The following HS6ST3 variants were observed in gnomAD, a reference collection of about 807,000 sequenced individuals.
HS6ST3 encodes the protein heparan sulfate 6-O-sulfotransferase 3.
Under a neutral mutation model 36.7 loss-of-function variants are expected in HS6ST3, and 12 were observed. The ratio of observed to expected loss-of-function variants is 0.33; its 90% CI spans 0.21 to 0.53. The LOEUF (loss-of-function observed/expected upper bound fraction) is 0.53. Ranked by LOEUF, HS6ST3 falls within the 20% of genes least tolerant of loss-of-function variation. The probability of loss-of-function intolerance (pLI) is 0.95; values close to 1 mark genes in which losing one functional copy is unlikely to be tolerated. For synonymous variants in HS6ST3, 240 were observed against 257.5 expected, an observed-to-expected ratio of 0.93 and a Z score of 0.65; for missense variants, 584 against 640.9, an observed-to-expected ratio of 0.91 and a Z score of 0.96.
chr13:96,119,113 G>C (rs761932739), intron 1 of HS6ST3, among the ~76,000 whole-genome samples: 15 of 152,146 alleles, frequency 9.9e-5, no homozygotes, highest in Non-Finnish European at 1.9e-4. Flanking sequence ...TGTTTAGAAA[G>C]CCTAACAAAT....
At chr13:96,611,936 G>A (rs1464925236) in intron 1 of HS6ST3, among the ~76,000 whole-genome samples, 3 of 152,168 alleles carry the variant, frequency 2.0e-5, no homozygotes, top group African/African-American at 7.2e-5. Flanking sequence ...TGTCAGGAAA[G>A]TAACATGGCA....
chr13:96,348,143 T>C (rs1356478339), intron 1 of HS6ST3, among the ~76,000 whole-genome samples: 1 of 152,194 alleles, frequency 6.6e-6, no homozygotes, highest in Non-Finnish European at 1.5e-5. Flanking sequence ...CAAAGCTGCA[T>C]GGAAAGAAAG....
At chr13:96,546,826 C>G (rs2056199671) in intron 1 of HS6ST3, among the ~76,000 whole-genome samples, 1 of 152,146 alleles carries the variant, frequency 6.6e-6, no homozygotes, top group Admixed American at 6.5e-5. Flanking sequence ...ACTCCCAAGT[C>G]ACAATGGGCA....
chr13:96,792,389 G>A (rs999952645), intron 1 of HS6ST3, among the ~76,000 whole-genome samples: 3 of 151,658 alleles, frequency 2.0e-5, no homozygotes, highest in African/African-American at 7.3e-5. Flanking sequence ...ACATTGTGAC[G>A]CCCCCTCTGG....
chr13:96,578,304 TA>T (rs2056329047), intron 1 of HS6ST3, among the ~76,000 whole-genome samples: 1 of 152,160 alleles, frequency 6.6e-6, no homozygotes, highest in Non-Finnish European at 1.5e-5. Flanking sequence ...GGTTGCCTCA[TA>T]AAAATGTGTG....
At chr13:96,212,975 TGCTAAA>T (rs2054406202) in intron 1 of HS6ST3, among the ~76,000 whole-genome samples, 1 of 152,234 alleles carries the variant, frequency 6.6e-6, no homozygotes, top group South Asian at 2.1e-4. Context: ...TAACTTGTAA[TGCTAAA>T]GCAGATGGTA....
At chr13:96,111,490 A>G (rs1027113867) in intron 1 of HS6ST3, among the ~76,000 whole-genome samples, 12 of 152,228 alleles carry the variant, frequency 7.9e-5, no homozygotes, top group Admixed American at 6.5e-5. Context: ...CTTGGCTGCT[A>G]AGGCAAATAA....
At chr13:96,459,657 G>T (rs1012559331) in intron 1 of HS6ST3, among the ~76,000 whole-genome samples, 3 of 152,110 alleles carry the variant, frequency 2.0e-5, no homozygotes, top group African/African-American at 7.2e-5. Flanking sequence ...TTTTTCTCTT[G>T]TATTTCAACA....
chr13:96,131,317 T>G (rs114701048), intron 1 of HS6ST3, among the ~76,000 whole-genome samples: 3,046 of 152,240 alleles, frequency 0.02, 88 homozygotes, highest in African/African-American at 0.067. Context: ...TTTTCTTTGT[T>G]TATTAGTCTA....
intron 1 of HS6ST3, among the ~76,000 whole-genome samples, chr13:96,561,329 A>G (rs1024343632): frequency 6.6e-6 from 1 of 152,164 alleles, no homozygotes; most frequent in Non-Finnish European, 1.5e-5. Flanking sequence ...CTGGCTAGCT[A>G]TATGTGAAAG....
At chr13:96,199,853 AT>A (rs35926456) in intron 1 of HS6ST3, among the ~76,000 whole-genome samples, 2,036 of 146,838 alleles carry the variant, frequency 0.014, 40 homozygotes, top group African/African-American at 0.043. Context: ...TCTGGCTCAT[AT>A]TTTTTTTTTT....
chr13:96,360,808 G>A (rs1425996284), intron 1 of HS6ST3, among the ~76,000 whole-genome samples: 1 of 151,952 alleles, frequency 6.6e-6, no homozygotes, highest in East Asian at 1.9e-4. Context: ...TTAGCCAGGT[G>A]TAGTGGTGGG....
chr13:96,591,623 A>C (rs2056382560), intron 1 of HS6ST3, among the ~76,000 whole-genome samples: 1 of 152,118 alleles, frequency 6.6e-6, no homozygotes, highest in African/African-American at 2.4e-5. Flanking sequence ...TTCCAAATAT[A>C]GGATCATTTC....
At chr13:96,524,642 C>T (rs377755237) in intron 1 of HS6ST3, among the ~76,000 whole-genome samples, 4 of 152,216 alleles carry the variant, frequency 2.6e-5, no homozygotes, top group African/African-American at 4.8e-5. Context: ...CAGACTGCTG[C>T]GCTAACAGCG....
chr13:96,303,046 GC>G (rs1330361626), intron 1 of HS6ST3, among the ~76,000 whole-genome samples: 1 of 152,138 alleles, frequency 6.6e-6, no homozygotes, highest in African/African-American at 2.4e-5. Flanking sequence ...TGTATGGCCT[GC>G]AAAGTTCTAA....
At chr13:96,203,557 T>A (rs1024030098) in intron 1 of HS6ST3, among the ~76,000 whole-genome samples, 3 of 152,218 alleles carry the variant, frequency 2.0e-5, no homozygotes, top group African/African-American at 7.2e-5. Context: ...TAATCTGTTT[T>A]AAAATTAATT....
chr13:96,564,657 T>A (rs2056274583), intron 1 of HS6ST3, among the ~76,000 whole-genome samples: 1 of 152,156 alleles, frequency 6.6e-6, no homozygotes, highest in African/African-American at 2.4e-5. Context: ...AAGAGCTCCT[T>A]AATTAAATTA....
intron 1 of HS6ST3, among the ~76,000 whole-genome samples, chr13:96,611,887 G>A (rs994459673): frequency 2.0e-5 from 3 of 152,112 alleles, no homozygotes; most frequent in Non-Finnish European, 4.4e-5. Context: ...AGTAAGCAGG[G>A]GTCATCGAGT....
At chr13:96,499,180 C>G (rs1190119297) in intron 1 of HS6ST3, among the ~76,000 whole-genome samples, 1 of 152,054 alleles carries the variant, frequency 6.6e-6, no homozygotes, top group Non-Finnish European at 1.5e-5. Context: ...TGGCTGCTAC[C>G]ATGCCTGGCT....
Sources: gnomAD v4.1 joint callset for allele counts (sites outside exome capture counted in the v4.1 genomes callset) on GRCh38, gnomAD v4.1.1 for gene constraint, MANE v1.5 for transcripts, NCBI Gene and HGNC (gene_info 2026-07-23, HGNC 2026-07-21) for gene names.